Variants in BTF3L4 observed in about 807,000 individuals in gnomAD.
The protein encoded by BTF3L4 is transcription factor BTF3 homolog 4.
In BTF3L4, 6 loss-of-function variants were observed where a neutral mutation model predicts 16.8. That is an observed-to-expected ratio of 0.36 (90% CI 0.20 to 0.71). BTF3L4 has a LOEUF of 0.71. Among genes scored for constraint, BTF3L4 ranks in the 30% least tolerant of loss-of-function variants. The pLI is 0.58. For synonymous variants in BTF3L4, 39 were observed against 59.8 expected (o/e 0.65, Z 1.60); for missense variants, 92 against 186.9 (o/e 0.49, Z 2.96).
chr1:52,071,910 CT>C (rs779730074), intron 3 of BTF3L4, among the ~76,000 whole-genome samples: 1 of 123,236 alleles, frequency 8.1e-6, no homozygotes, highest in Non-Finnish European at 1.7e-5. Context: ...GTTCTTTTGG[CT>C]TTTTGTTTTG....
intron 3 of BTF3L4, among the ~76,000 whole-genome samples, chr1:52,066,352 C>T (rs1003639335): frequency 6.7e-6 from 1 of 149,976 alleles, no homozygotes; most frequent in Non-Finnish European, 1.5e-5. Flanking sequence ...CCACCACACC[C>T]GGATAATTTT....
rs1243448748 is a variant in BTF3L4, at chr1:52,088,923, T to C, written c.*2165T>C. The stretch of plus-strand genomic sequence containing the variant: ...TCCACAGTAGCTGGGATTTTTTTTT[T>C]TTTTTTTTGTATTTTTAGTAGAGAT... On this transcript the variant is annotated 3_prime_UTR_variant, in exon 6 of 6. Transcript: ENST00000313334. 6.6e-6 allele frequency: 1 copy of C among 151,456 alleles called. No individual in the cohort carries two copies. Among genetic ancestry groups the C allele is most frequent in the East Asian group, 1.9e-4 (1 of 5,160 alleles). 9.4% of individuals were successfully genotyped at this position (151,456 alleles called of 1,614,324 possible).
rs184068214 is a variant in BTF3L4, at chr1:52,074,179, T to G, written c.169-9161T>G. 3.4e-3 allele frequency among the ~76,000 whole-genome samples: 520 copies of G among 151,804 alleles called. 3 individuals are homozygous for G. Among genetic ancestry groups the G allele is most frequent in the African/African-American group, 0.012 (493 of 41,410 alleles). On this transcript the variant is annotated intron_variant, in intron 3 of 5. Transcript: ENST00000313334. ...AGACCTTGTTTTTTTTTGTTTGTTT[T>G]GTTTGGTTTGGTTTTTTTTGTTTGT...
intron 2 of BTF3L4, among the ~76,000 whole-genome samples, chr1:52,062,891 T>A (rs1293355303): frequency 6.6e-6 from 1 of 151,314 alleles, no homozygotes; most frequent in Middle Eastern, 3.2e-3. Context: ...AGTTAGATTC[T>A]CATGAGGAGT....
rs568519540 is a variant in BTF3L4 at position 52,085,577 on chromosome 1, T to C, written c.371-535T>C. Among the ~76,000 whole-genome samples, 8 of 152,150 alleles carry C rather than the reference T, an allele frequency of 5.3e-5. No individual in the cohort carries two copies. In the East Asian group the frequency reaches 1.4e-3, roughly 26 times the overall value. ...AAATTTTATCTTTGTAGGCCGTGTG[T>C]GGTGGCTTATGTCGGTAATCCCAGC... On this transcript the variant is annotated intron_variant, in intron 4 of 5. Transcript: ENST00000313334.
At chr1:52,076,866 T>C (rs542211679) in intron 3 of BTF3L4, among the ~76,000 whole-genome samples, 4 of 152,272 alleles carry the variant, frequency 2.6e-5, no homozygotes, top group African/African-American at 9.6e-5. Context: ...GTCTGTTGTT[T>C]TACCCTATTA....
At chr1:52,062,404 G>C (rs1686539025) in intron 2 of BTF3L4, among the ~76,000 whole-genome samples, 1 of 151,832 alleles carries the variant, frequency 6.6e-6, no homozygotes, top group South Asian at 2.1e-4. Flanking sequence ...GTTTCACCAT[G>C]TTTGTCAGGC....
chr1:52,068,281 A>ATAGTCAACGTTTATTAAACATCTGCGT (rs1291727041), intron 3 of BTF3L4, among the ~76,000 whole-genome samples: 1 of 152,224 alleles, frequency 6.6e-6, no homozygotes, highest in Non-Finnish European at 1.5e-5. Context: ...GTACTTAATG[A>ATAGTCAACGTTTATTAAACATCTGCGT]TAGTCAACGT....
intron 3 of BTF3L4, among the ~76,000 whole-genome samples, chr1:52,076,372 G>A (rs542272542): frequency 6.6e-6 from 1 of 152,052 alleles, no homozygotes; most frequent in South Asian, 2.1e-4. Flanking sequence ...TCAGGAGTTC[G>A]AGACTAGCCT....
At chr1:52,076,813 G>T (rs1686946585) in intron 3 of BTF3L4, among the ~76,000 whole-genome samples, 1 of 152,136 alleles carries the variant, frequency 6.6e-6, no homozygotes, top group African/African-American at 2.4e-5. Flanking sequence ...ACATTCTTCA[G>T]TCTCACAACA....
intron 3 of BTF3L4, among the ~76,000 whole-genome samples, chr1:52,076,054 A>G (rs1472998371): frequency 6.6e-6 from 1 of 152,184 alleles, no homozygotes; most frequent in Non-Finnish European, 1.5e-5. Context: ...TGCTTTTCAG[A>G]AAGAATATGC....
intron 2 of BTF3L4, chr1:52,060,304 G>T: frequency 3.1e-6 from 1 of 324,886 alleles, no homozygotes; most frequent in South Asian, 2.9e-5. Context: ...CTATTATTAT[G>T]GTTAGACTCA....
intron 3 of BTF3L4, among the ~76,000 whole-genome samples, chr1:52,074,625 G>A (rs1174634233): frequency 6.6e-6 from 1 of 151,852 alleles, no homozygotes; most frequent in African/African-American, 2.4e-5. Context: ...GCCTCCCAAA[G>A]TGCTAGGATT....
intron 4 of BTF3L4, among the ~76,000 whole-genome samples, chr1:52,084,612 T>G (rs1296501816): frequency 2.0e-5 from 3 of 151,862 alleles, no homozygotes; most frequent in Non-Finnish European, 4.4e-5. Context: ...GGCAACATGG[T>G]GAGACCCTAT....
Position 52,064,930 on chromosome 1 carries a change from A to G in BTF3L4, c.160A>G (p.Ile54Val). The change falls in exon 3 of 6, where the codon ATT becomes GTT. Residue 54 changes from isoleucine to valine, a missense_variant. By Grantham distance (29) the Ile-to-Val change is conservative (BLOSUM62 3). Coordinates refer to ENST00000313334, the MANE Select transcript of BTF3L4 (RefSeq NM_152265.5). ...ACTGGCTGTGAATAATATAGCTGGTATTGAAGAGGTATGATCACTTTGCAA... is the reference window on the plus strand; with the variant it reads ...ACTGGCTGTGAATAATATAGCTGGTGTTGAAGAGGTATGATCACTTTGCAA... ...KKLAVNNIAGIEEVNMIKDDG... is the reference protein window; with the variant it reads ...KKLAVNNIAGVEEVNMIKDDG... 1 of 1,602,012 alleles carries G rather than the reference A, an allele frequency of 6.2e-7. No individual in the cohort carries two copies. The highest frequency in any genetic ancestry group is 8.5e-7 in the Non-Finnish European group (1 of 1,169,918).
intron 2 of BTF3L4, chr1:52,060,725 T>G (rs960138438): frequency 1.7e-5 from 11 of 649,696 alleles, no homozygotes; most frequent in Non-Finnish European, 1.8e-5. Flanking sequence ...TAACCACAGT[T>G]CCTGGGGATG....
chr1:52,083,939 G>A (rs1169905852), intron 4 of BTF3L4, among the ~76,000 whole-genome samples: 2 of 151,292 alleles, frequency 1.3e-5, no homozygotes, highest in Admixed American at 1.3e-4. Context: ...AGAATTGCTT[G>A]AACCCGGGAG....
At chr1:52,059,305 G>C (rs1686452005) in intron 1 of BTF3L4, among the ~76,000 whole-genome samples, 1 of 152,122 alleles carries the variant, frequency 6.6e-6, no homozygotes, top group South Asian at 2.1e-4. Flanking sequence ...ATGACTACTT[G>C]ATATCTTGAC....
At chr1:52,069,425 T>C (rs2244540) in intron 3 of BTF3L4, among the ~76,000 whole-genome samples, 5,124 of 152,214 alleles carry the variant, frequency 0.034, 112 homozygotes, top group African/African-American at 0.046. Flanking sequence ...AAGAAGCTAT[T>C]GCATTAAATG....
Sources: allele counts gnomAD v4.1 joint callset (sites outside exome capture counted in the v4.1 genomes callset), GRCh38; gene constraint gnomAD v4.1.1; transcripts MANE v1.5; gene names NCBI Gene and HGNC (gene_info 2026-07-23, HGNC 2026-07-21).